Variants in C18orf63 observed in about 807,000 individuals in gnomAD.
The protein encoded by C18orf63 is chromosome 18 open reading frame 63.
C18orf63 carries 50 observed loss-of-function variants against 75.3 expected under a neutral mutation model. The observed-to-expected ratio is 0.66, with a 90% CI of 0.53 to 0.84. C18orf63 has a LOEUF of 0.84. Ranked by LOEUF, C18orf63 falls within the 40% of genes least tolerant of loss-of-function variation. The pLI is 0.00. For synonymous variants in C18orf63, 232 were observed against 267.6 expected (o/e 0.87, Z 1.30); for missense variants, 732 against 800.2 (o/e 0.91, Z 1.03).
intron 11 of C18orf63, among the ~76,000 whole-genome samples, chr18:74,349,669 C>T (rs1037836089): frequency 1.3e-5 from 2 of 151,910 alleles, no homozygotes; most frequent in Non-Finnish European, 2.9e-5. Flanking sequence ...TCAAAACCAT[C>T]CCCCCCACCA....
At position 74,338,836 on chromosome 18, in the gene C18orf63, A is replaced by G. The variant is rs1405558109; in HGVS notation, c.611+12A>G. ...TACGTTTTGCCAAGGTGAGATTTCA[A>G]TTTGTAATATCTAGGGTGGGTTCAA... On this transcript the variant is annotated intron_variant, in intron 8 of 13. Transcript: ENST00000579455. The G allele has an allele frequency of 4.0e-6, 5 of 1,239,698 alleles. No individual in the cohort carries two copies. The highest frequency in any genetic ancestry group is 3.3e-6 in the Non-Finnish European group (3 of 921,042). 76.8% of individuals were successfully genotyped at this position (1,239,698 alleles called of 1,614,324 possible). A position where few individuals can be genotyped will look rare whatever the true frequency, so the allele number is the denominator to read the frequency against.
In C18orf63 at chr18:74,342,293, TC is replaced by T. The variant is rs1984502190; in HGVS notation, c.762del (p.Tyr255IlefsTer28). 3.3e-6 allele frequency: 5 copies of T among 1,533,238 alleles called. No individual in the cohort carries two copies. Among genetic ancestry groups the T allele is most frequent in the Non-Finnish European group, 4.4e-6 (5 of 1,145,092 alleles). The allele number at this position is 1,533,238 out of a possible 1,614,324, so 95.0% of individuals were successfully genotyped here. On this transcript the variant is annotated frameshift_variant, in exon 10 of 14. Coordinates refer to ENST00000579455, the MANE Select transcript of C18orf63 (RefSeq NM_001174123.2). LOFTEE classifies it high-confidence loss of function. The part of the protein sequence containing the change: ...DCGKIKIYCN[I>X]YFKMLGERTF... ...GGAAAAATTAAAATATACTGCAACATCTATTTCAAAATGCTCGGAGAAAGGA... is the reference window on the plus strand; with the variant it reads ...GGAAAAATTAAAATATACTGCAACATTATTTCAAAATGCTCGGAGAAAGGA...
Position 74,343,526 on chromosome 18 carries a change from C to G in C18orf63, c.802C>G (p.Leu268Val). Residue 268 changes from leucine (L) to valine (V), a missense_variant, in exon 11 of 14, where the codon CTC (leucine) becomes GTC (valine). By Grantham distance (32) the Leu-to-Val change is conservative (BLOSUM62 1). Transcript: ENST00000579455. ...TTCTTTAACATTGTTCAGATATCCT[C>G]TCAGTTGCATCAGAAGTCAGCCCAT... ...MLGERTFTYP[L>V]SCIRSQPMQF... The G allele has an allele frequency of 6.6e-7, 1 of 1,524,788 alleles. No individual in the cohort carries two copies. The highest frequency in any genetic ancestry group is 1.2e-5 in the South Asian group (1 of 81,812). 94.5% of individuals were successfully genotyped at this position (1,524,788 alleles called of 1,614,324 possible). A position where few individuals can be genotyped will look rare whatever the true frequency, so the allele number is the denominator to read the frequency against.
Position 74,354,221 on chromosome 18 carries a change from C to T in C18orf63, c.1954C>T (p.His652Tyr). Residue 652 changes from histidine to tyrosine, a missense_variant, in exon 12 of 14, where the codon CAT becomes TAT. This residue lies in a region of C18orf63 where 495 missense variants were observed against 508.7 expected (regional missense o/e 0.97). Transcript: ENST00000579455. ...GTCTTCCAAAACTTCAAAGAAGCAT[C>T]ATTCCGATACTGTGCACTATGGCCA... ...PESSKTSKKH[H>Y]SDTVHYGQSS... 1 of 1,534,778 alleles carries T rather than the reference C, an allele frequency of 6.5e-7. No homozygotes were observed. Among genetic ancestry groups the T allele is most frequent in the South Asian group, 1.2e-5 (1 of 83,858 alleles).
chr18:74,347,020 T>C (rs1306691357), intron 11 of C18orf63, among the ~76,000 whole-genome samples: 2 of 152,186 alleles, frequency 1.3e-5, no homozygotes, highest in Non-Finnish European at 2.9e-5. Context: ...AGTCCTGTAA[T>C]TGGAAAAAGT....
chr18:74,341,777 C>T (rs1180748230), intron 8 of C18orf63, among the ~76,000 whole-genome samples: 6 of 151,886 alleles, frequency 4.0e-5, no homozygotes, highest in African/African-American at 9.7e-5. Context: ...ATTAGCTCGA[C>T]TTAGCAATCC....
At position 74,342,133 on chromosome 18, in the gene C18orf63, G is replaced by A; in HGVS notation, c.708+5G>A. On this transcript the variant is annotated splice_donor_5th_base_variant and intron_variant, in intron 9 of 13. Transcript: ENST00000579455. Reference sequence around the variant, plus strand: ...CAGAGACACTGGGATGCCCTGGTAAGGAATGGAAATATATGTTACATTAGA... The same window carrying A: ...CAGAGACACTGGGATGCCCTGGTAAAGAATGGAAATATATGTTACATTAGA... 6.8e-7 allele frequency: 1 copy of A among 1,479,950 alleles called. No homozygotes were observed. The highest frequency in any genetic ancestry group is 1.2e-5 in the South Asian group (1 of 82,540). 91.7% of individuals were successfully genotyped at this position (1,479,950 alleles called of 1,614,324 possible).
intron 8 of C18orf63, among the ~76,000 whole-genome samples, chr18:74,339,108 AAAT>A (rs1984438025): frequency 6.6e-6 from 1 of 152,040 alleles, no homozygotes; most frequent in African/African-American, 2.4e-5. Context: ...AAAACTATCA[AAAT>A]AATATTAATA....
chr18:74,351,105 G>C (rs924193187), intron 11 of C18orf63, among the ~76,000 whole-genome samples: 3 of 152,180 alleles, frequency 2.0e-5, no homozygotes, highest in Non-Finnish European at 4.4e-5. Context: ...TCCAACTGAA[G>C]TAATCTCCAG....
chr18:74,350,155 C>G (rs1457921669), intron 11 of C18orf63, among the ~76,000 whole-genome samples: 2 of 152,076 alleles, frequency 1.3e-5, no homozygotes, highest in Non-Finnish European at 2.9e-5. Context: ...CATATGGTAT[C>G]TCAACAGAGA....
Position 74,354,180 on chromosome 18 carries a change from G to C in C18orf63, c.1913G>C (p.Arg638Thr), listed in dbSNP as rs1984723495. The change falls in exon 12 of 14, where the codon AGA becomes ACA. Residue 638 changes from arginine (R) to threonine (T), a missense_variant. This residue lies in a region of C18orf63 where 495 missense variants were observed against 508.7 expected (regional missense o/e 0.97). Transcript: ENST00000579455. ...IVSKIAHRSK[R>T]KLCPESSKTS... ...AGCAAAATAGCCCACAGGTCTAAAA[G>C]AAAATTATGTCCAGAGTCTTCCAAA... 2 of 1,536,288 alleles carry C rather than the reference G, an allele frequency of 1.3e-6. No individual in the cohort carries two copies. The highest frequency in any genetic ancestry group is 4.9e-5 in the East Asian group (2 of 40,892).
chr18:74,354,435 G>T lies in C18orf63; in HGVS notation c.2002-22G>T, dbSNP rs575249483. The T allele has an allele frequency of 6.5e-6, 9 of 1,392,562 alleles. No homozygotes were observed. In the East Asian group the frequency reaches 1.2e-4, roughly 19 times the overall value. 86.3% of individuals were successfully genotyped at this position (1,392,562 alleles called of 1,614,324 possible). On this transcript the variant is annotated intron_variant, in intron 12 of 13. Coordinates refer to ENST00000579455, the MANE Select transcript of C18orf63 (RefSeq NM_001174123.2). ...TCTATGCAGTTAATTTGTAACAAAT[G>T]TGATTCTTCAATCTAATACAGATAC...
At chr18:74,332,260 G>T (rs974934306) in intron 7 of C18orf63, among the ~76,000 whole-genome samples, 7 of 152,176 alleles carry the variant, frequency 4.6e-5, no homozygotes, top group Admixed American at 1.3e-4. Context: ...AGAGGGCAGG[G>T]TGTGGAAGCT....
intron 11 of C18orf63, among the ~76,000 whole-genome samples, chr18:74,351,423 C>T: frequency 6.6e-6 from 1 of 152,146 alleles, no homozygotes; most frequent in Non-Finnish European, 1.5e-5. Context: ...TTAGGAGAAA[C>T]AGCTTCCACC....
intron 7 of C18orf63, among the ~76,000 whole-genome samples, chr18:74,333,728 A>C (rs754732856): frequency 2.0e-5 from 3 of 152,202 alleles, no homozygotes; most frequent in Non-Finnish European, 4.4e-5. Context: ...CAGTGCAGCC[A>C]AACCATATCA....
At chr18:74,337,649 G>A (rs917656730) in intron 7 of C18orf63, among the ~76,000 whole-genome samples, 1 of 152,110 alleles carries the variant, frequency 6.6e-6, no homozygotes, top group African/African-American at 2.4e-5. Context: ...GTACATCACA[G>A]TGCAAGATTT....
At chr18:74,344,670 T>C (rs1253398704) in intron 11 of C18orf63, among the ~76,000 whole-genome samples, 1 of 152,176 alleles carries the variant, frequency 6.6e-6, no homozygotes, top group East Asian at 1.9e-4. Flanking sequence ...AAATAAATCA[T>C]AGAGTATGTA....
intron 4 of C18orf63, among the ~76,000 whole-genome samples, chr18:74,326,912 C>G (rs905335469): frequency 6.6e-6 from 1 of 152,046 alleles, no homozygotes; most frequent in African/African-American, 2.4e-5. Flanking sequence ...GTATTGTTTT[C>G]TACAGTTGTG....
intron 6 of C18orf63, among the ~76,000 whole-genome samples, chr18:74,329,820 A>G (rs1599002987): frequency 6.6e-6 from 1 of 152,342 alleles, no homozygotes; most frequent in East Asian, 1.9e-4. Flanking sequence ...TGTGTTTCAG[A>G]TAGACACTTT....
Sources: allele counts gnomAD v4.1 joint callset (sites outside exome capture counted in the v4.1 genomes callset), GRCh38; gene constraint gnomAD v4.1.1; regional missense constraint gnomAD v4.1.1; transcripts MANE v1.5; gene names NCBI Gene and HGNC (gene_info 2026-07-23, HGNC 2026-07-21).